The following PLCB1 variants were observed in gnomAD, a reference collection of about 807,000 sequenced individuals.
PLCB1 encodes phospholipase C beta 1, also known as 1-phosphatidylinositol 4,5-bisphosphate phosphodiesterase beta-1.
Under a neutral mutation model 161.8 loss-of-function variants are expected in PLCB1, and 46 were observed. The observed-to-expected ratio is 0.28, with a 90% CI of 0.22 to 0.36. PLCB1 has a LOEUF of 0.36. Among genes scored for constraint, PLCB1 ranks in the 10% least tolerant of loss-of-function variants. The pLI is 1.00. For synonymous variants in PLCB1, 517 were observed against 503.7 expected (o/e 1.03, Z -0.35); for missense variants, 1,016 against 1,472.5 (o/e 0.69, Z 5.07).
chr20:8,498,391 G>A (rs926319921), intron 3 of PLCB1, among the ~76,000 whole-genome samples: 12 of 152,154 alleles, frequency 7.9e-5, no homozygotes, highest in Non-Finnish European at 8.8e-5. Flanking sequence ...CACCACGCCC[G>A]ACCACCTTTA....
At position 8,696,987 on chromosome 20, in the gene PLCB1, C is replaced by CCT. The variant is rs1372748226; in HGVS notation, c.1010-637_1010-636dup. Among the ~76,000 whole-genome samples the CCT allele has an allele frequency of 4.2e-4, 64 of 152,314 alleles. No individual in the cohort carries two copies. In the East Asian group the frequency reaches 7.3e-3, roughly 17 times the overall value. ...TGACCTCGTGATCCGCTCGCCTCAG[C>CCT]CTCCCAAAATGCTGGGATTATAGGC... On this transcript the variant is annotated intron_variant, in intron 10 of 31. Transcript: ENST00000338037.
chr20:8,739,804 T>G (rs1214014187), intron 21 of PLCB1, among the ~76,000 whole-genome samples: 2 of 152,298 alleles, frequency 1.3e-5, no homozygotes, highest in East Asian at 3.9e-4. Context: ...ATGTGCATTT[T>G]AAGCCTCTAC....
intron 7 of PLCB1, chr20:8,652,055 AATGT>A (rs1356662583): frequency 6.6e-6 from 1 of 152,406 alleles, no homozygotes; most frequent in Non-Finnish European, 1.5e-5. Flanking sequence ...TAGAAAATTA[AATGT>A]ATGAACCAAT....
At chr20:8,687,705 C>T (rs1990391403) in intron 10 of PLCB1, among the ~76,000 whole-genome samples, 1 of 152,174 alleles carries the variant, frequency 6.6e-6, no homozygotes, top group Non-Finnish European at 1.5e-5. Flanking sequence ...ATCATGTATA[C>T]ATACCACAGT....
At chr20:8,656,481 T>TA (rs1250381063) in intron 7 of PLCB1, among the ~76,000 whole-genome samples, 3 of 152,064 alleles carry the variant, frequency 2.0e-5, no homozygotes, top group African/African-American at 7.2e-5. Context: ...GTCTTTCCTG[T>TA]TAACAAAGGC....
At chr20:8,860,330 G>A (rs1987210225) in intron 31 of PLCB1, among the ~76,000 whole-genome samples, 1 of 152,150 alleles carries the variant, frequency 6.6e-6, no homozygotes, top group Non-Finnish European at 1.5e-5. Context: ...ATTTCCATAT[G>A]GTGTAACTTG....
At chr20:8,485,867 A>T (rs1982700961) in intron 3 of PLCB1, among the ~76,000 whole-genome samples, 1 of 152,120 alleles carries the variant, frequency 6.6e-6, no homozygotes, top group African/African-American at 2.4e-5. Context: ...TCAATCTTGG[A>T]GGGTGTATTA....
intron 3 of PLCB1, among the ~76,000 whole-genome samples, chr20:8,614,215 C>T (rs1024837717): frequency 2.0e-5 from 3 of 151,992 alleles, no homozygotes; most frequent in South Asian, 4.1e-4. Flanking sequence ...TTGTCAATAA[C>T]CCATGTTGGT....
At chr20:8,589,602 ATC>A (rs1305498800) in intron 3 of PLCB1, among the ~76,000 whole-genome samples, 2 of 141,324 alleles carry the variant, frequency 1.4e-5, no homozygotes, top group African/African-American at 2.6e-5. Flanking sequence ...TCTGGGGTCA[ATC>A]TCTCTCTTTT....
At chr20:8,546,494 G>T (rs6055893) in intron 3 of PLCB1, among the ~76,000 whole-genome samples, 4 of 152,000 alleles carry the variant, frequency 2.6e-5, no homozygotes, top group Non-Finnish European at 5.9e-5. Context: ...TCATGATTTA[G>T]ATTTTTCTTA....
At chr20:8,183,936 T>A (rs1241130430) in intron 2 of PLCB1, among the ~76,000 whole-genome samples, 1 of 152,228 alleles carries the variant, frequency 6.6e-6, no homozygotes, top group Non-Finnish European at 1.5e-5. Flanking sequence ...AATAGTTATC[T>A]TGGTTTGACT....
chr20:8,245,030 C>T (rs115920775), intron 2 of PLCB1, among the ~76,000 whole-genome samples: 3,512 of 151,398 alleles, frequency 0.023, 148 homozygotes, highest in African/African-American at 0.08. Context: ...ATATCATATC[C>T]AATTAGATAC....
chr20:8,381,421 C>T lies in PLCB1; in HGVS notation c.246+9971C>T, dbSNP rs532737574. Among the ~76,000 whole-genome samples, 4 of 152,252 alleles carry T rather than the reference C, an allele frequency of 2.6e-5. No homozygotes were observed. In the East Asian group the frequency reaches 7.7e-4, roughly 29 times the overall value. On this transcript the variant is annotated intron_variant, in intron 3 of 31. Transcript: ENST00000338037. ...AGTTTTTTTTGTTGTTGTTGTGTCT[C>T]TGCCAGGTTTTGGTAACAGGATGAT...
intron 3 of PLCB1, among the ~76,000 whole-genome samples, chr20:8,381,333 A>G (rs1289031257): frequency 1.3e-5 from 2 of 152,162 alleles, no homozygotes; most frequent in African/African-American, 2.4e-5. Context: ...GTGCTGCTGG[A>G]TTTAGTTTGC....
At chr20:8,670,963 C>A (rs956268989) in intron 9 of PLCB1, among the ~76,000 whole-genome samples, 1 of 152,146 alleles carries the variant, frequency 6.6e-6, no homozygotes, top group African/African-American at 2.4e-5. Context: ...GGTGCTAAAC[C>A]ACTGGGCTGG....
intron 3 of PLCB1, among the ~76,000 whole-genome samples, chr20:8,551,365 T>C (rs1985770098): frequency 6.6e-6 from 1 of 152,236 alleles, no homozygotes; most frequent in African/African-American, 2.4e-5. Flanking sequence ...TTATGTACTT[T>C]GTGTTCATTG....
chr20:8,658,758 TCA>T lies in PLCB1; in HGVS notation c.862+58_862+59del, dbSNP rs1325871303. On this transcript the variant is annotated intron_variant, in intron 9 of 31. Transcript: ENST00000338037. Reference sequence around the variant, plus strand: ...AGCTCTTGTTTCTGATTGGGGGTAGTCACACGCTGGGAGTTAGGAACACCAGT... The same window carrying T: ...AGCTCTTGTTTCTGATTGGGGGTAGTCACGCTGGGAGTTAGGAACACCAGT... 5 of 1,455,742 alleles carry T rather than the reference TCA, an allele frequency of 3.4e-6. No homozygotes were observed. In the East Asian group the frequency reaches 1.2e-4, roughly 34 times the overall value. 90.2% of individuals were successfully genotyped at this position (1,455,742 alleles called of 1,614,324 possible).
At chr20:8,463,357 A>G (rs931409602) in intron 3 of PLCB1, among the ~76,000 whole-genome samples, 4 of 152,020 alleles carry the variant, frequency 2.6e-5, no homozygotes, top group Non-Finnish European at 4.4e-5. Context: ...CTACCAACAT[A>G]ACCACTGATC....
rs559842597 is a variant in PLCB1, at chr20:8,369,469, T to C, written c.178-1913T>C. 6.6e-5 allele frequency among the ~76,000 whole-genome samples: 10 copies of C among 152,332 alleles called. No individual in the cohort carries two copies. The East Asian group carries it at 1.9e-3, about 29-fold the overall frequency. ...AAACCTGGACATATGCTTGACTTAC[T>C]CATGTCTGGTTTTTCCACCGTTTCT... On this transcript the variant is annotated intron_variant, in intron 2 of 31. Coordinates refer to ENST00000338037, the MANE Select transcript of PLCB1 (RefSeq NM_015192.4).
Sources: gnomAD v4.1 joint callset for allele counts (sites outside exome capture counted in the v4.1 genomes callset) on GRCh38, gnomAD v4.1.1 for gene constraint, MANE v1.5 for transcripts, NCBI Gene and HGNC (gene_info 2026-07-23, HGNC 2026-07-21) for gene names.